The following GRK3 variants were observed in gnomAD, a reference collection of about 807,000 sequenced individuals.
The protein encoded by GRK3 is G protein-coupled receptor kinase 3.
Under a neutral mutation model 95.7 loss-of-function variants are expected in GRK3, and 54 were observed. The observed-to-expected ratio is 0.56, with a 90% CI of 0.45 to 0.71. The LOEUF is 0.71. Among genes scored for constraint, GRK3 ranks in the 30% least tolerant of loss-of-function variants. The probability of loss-of-function intolerance (pLI) is 0.00; values close to 1 mark genes in which losing one functional copy is unlikely to be tolerated. For synonymous variants in GRK3, 281 were observed against 290.8 expected, an observed-to-expected ratio of 0.97 and a Z score of 0.34; for missense variants, 649 against 851.2, an observed-to-expected ratio of 0.76 and a Z score of 2.96.
At position 25,584,857 on chromosome 22, in the gene GRK3, C is replaced by T. The variant is rs2283813; in HGVS notation, c.114-19520C>T. Among the ~76,000 whole-genome samples the T allele has an allele frequency of 1.7e-3, 257 of 152,286 alleles. No homozygotes were observed. In the East Asian group the frequency reaches 0.036, roughly 21 times the overall value. On this transcript the variant is annotated intron_variant, in intron 1 of 20. Transcript: ENST00000324198. ...TGCCCGGTCACTTGAATGGAAAGGC[C>T]GTCTTTATTAATGAAAACATGGCTT...
intron 1 of GRK3, among the ~76,000 whole-genome samples, chr22:25,587,431 T>C (rs1000989486): frequency 1.3e-5 from 2 of 152,080 alleles, no homozygotes; most frequent in East Asian, 1.9e-4. Context: ...TATTTTATTT[T>C]TATTTTTTAT....
intron 12 of GRK3, among the ~76,000 whole-genome samples, chr22:25,691,797 A>G (rs891747378): frequency 2.6e-5 from 4 of 152,322 alleles, no homozygotes; most frequent in East Asian, 1.9e-4. Flanking sequence ...ACTTTTTGCT[A>G]TAATTCACAT....
chr22:25,669,629 A>G (rs989724421), intron 6 of GRK3, among the ~76,000 whole-genome samples: 10 of 152,096 alleles, frequency 6.6e-5, no homozygotes, highest in Non-Finnish European at 1.5e-4. Context: ...AAAGTGTCCC[A>G]CTCAGTAACC....
chr22:25,650,804 G>A (rs574580108), intron 3 of GRK3, among the ~76,000 whole-genome samples: 17 of 152,134 alleles, frequency 1.1e-4, no homozygotes, highest in East Asian at 3.9e-4. Flanking sequence ...GTGAAGTTTC[G>A]GCTTCACATT....
intron 2 of GRK3, among the ~76,000 whole-genome samples, chr22:25,640,967 C>G (rs2084738664): frequency 6.6e-6 from 1 of 152,106 alleles, no homozygotes. Context: ...ATATTTTGCC[C>G]TAATCTAGGC....
intron 1 of GRK3, among the ~76,000 whole-genome samples, chr22:25,570,214 TTTCC>T (rs576047892): frequency 2.9e-4 from 44 of 152,344 alleles, no homozygotes; most frequent in Middle Eastern, 3.4e-3. Context: ...TTGTTCCTTA[TTTCC>T]CATGAGCTTG....
chr22:25,726,746 C>A lies in GRK3; in HGVS notation c.*4296C>A, dbSNP rs2085477370. On this transcript the variant is annotated 3_prime_UTR_variant, in exon 21 of 21. Coordinates refer to ENST00000324198, the MANE Select transcript of GRK3 (RefSeq NM_005160.4). The stretch of plus-strand genomic sequence containing the variant: ...TATGATAATTATTCTGAGACTTGGT[C>A]ACTTTGTTTTTGAATGTGGAGCTGC... 1 of 152,046 alleles carries A rather than the reference C, an allele frequency of 6.6e-6. No homozygotes were observed. The highest frequency in any genetic ancestry group is 2.1e-4 in the South Asian group (1 of 4,814). 9.4% of individuals were successfully genotyped at this position (152,046 alleles called of 1,614,324 possible).
At chr22:25,699,542 A>G (rs961724053) in intron 13 of GRK3, among the ~76,000 whole-genome samples, 1 of 152,096 alleles carries the variant, frequency 6.6e-6, no homozygotes, top group Admixed American at 6.5e-5. Context: ...CAACACCCCA[A>G]CAAAGAATCC....
At chr22:25,686,216 C>T (rs1016713104) in intron 10 of GRK3, among the ~76,000 whole-genome samples, 10 of 149,058 alleles carry the variant, frequency 6.7e-5, no homozygotes, top group East Asian at 2.0e-4. Context: ...AGCGAGACTC[C>T]GTCTCAAAAA....
intron 1 of GRK3, chr22:25,581,217 A>C (rs1450413387): frequency 6.6e-6 from 1 of 152,238 alleles, no homozygotes; most frequent in East Asian, 1.9e-4. Context: ...TGATGGGTCT[A>C]GGTGTTCACT....
chr22:25,566,722 G>A (rs371384557), intron 1 of GRK3, among the ~76,000 whole-genome samples: 13 of 152,192 alleles, frequency 8.5e-5, no homozygotes, highest in Non-Finnish European at 1.2e-4. Context: ...GAACAAGAAC[G>A]CCTACATCAA....
chr22:25,669,502 G>A (rs1436109486), intron 6 of GRK3, among the ~76,000 whole-genome samples: 1 of 152,202 alleles, frequency 6.6e-6, no homozygotes, highest in Non-Finnish European at 1.5e-5. Flanking sequence ...GCGTTTCCAT[G>A]TCTTTAACCT....
intron 1 of GRK3, among the ~76,000 whole-genome samples, chr22:25,577,661 C>T (rs1432679704): frequency 6.6e-6 from 1 of 152,186 alleles, no homozygotes; most frequent in Admixed American, 6.5e-5. Context: ...CCTTCTTCAC[C>T]TAGTAATGCA....
chr22:25,569,964 C>T (rs201960283), intron 1 of GRK3, among the ~76,000 whole-genome samples: 7 of 152,208 alleles, frequency 4.6e-5, no homozygotes, highest in East Asian at 1.9e-4. Flanking sequence ...GCCCAGGTTT[C>T]GCCCAGCTCG....
At chr22:25,566,613 T>C (rs1183667295) in intron 1 of GRK3, among the ~76,000 whole-genome samples, 1 of 152,186 alleles carries the variant, frequency 6.6e-6, no homozygotes, top group Non-Finnish European at 1.5e-5. Context: ...TGCAATGTCG[T>C]GAGTTTAACA....
At chr22:25,715,587 A>G (rs182026273) in intron 18 of GRK3, among the ~76,000 whole-genome samples, 15 of 152,366 alleles carry the variant, frequency 9.8e-5, no homozygotes, top group African/African-American at 2.4e-4. Flanking sequence ...AGTAGGAAAC[A>G]TAAGTTTTAA....
intron 1 of GRK3, among the ~76,000 whole-genome samples, chr22:25,590,231 A>T (rs1439014502): frequency 2.0e-5 from 3 of 152,242 alleles, no homozygotes. Context: ...ACAAAAGTGA[A>T]AGTGGAATAC....
chr22:25,686,058 A>G (rs779592834), intron 10 of GRK3, among the ~76,000 whole-genome samples: 1 of 151,784 alleles, frequency 6.6e-6, no homozygotes, highest in Non-Finnish European at 1.5e-5. Flanking sequence ...CGTCCCTACT[A>G]AAAATACAAA....
chr22:25,641,328 C>T (rs1388891416), intron 2 of GRK3, among the ~76,000 whole-genome samples: 3 of 152,096 alleles, frequency 2.0e-5, no homozygotes, highest in Non-Finnish European at 4.4e-5. Context: ...CTCTTCCTTC[C>T]TCCTTTCCCC....
Sources: gnomAD v4.1 joint callset for allele counts (sites outside exome capture counted in the v4.1 genomes callset) on GRCh38, gnomAD v4.1.1 for gene constraint, MANE v1.5 for transcripts, NCBI Gene and HGNC (gene_info 2026-07-23, HGNC 2026-07-21) for gene names.